The following AP4B1 variants were observed in gnomAD, a reference collection of about 807,000 sequenced individuals.
The protein encoded by AP4B1 is AP-4 complex subunit beta-1.
A neutral mutation model predicts 76.5 loss-of-function variants in AP4B1; 49 were observed. The ratio of observed to expected loss-of-function variants is 0.64; its 90% CI spans 0.51 to 0.81. AP4B1 has a LOEUF of 0.81. Ranked by LOEUF, AP4B1 falls within the 40% of genes least tolerant of loss-of-function variation. The pLI is 0.00. For missense variants in AP4B1, 911 were observed against 904.9 expected (o/e 1.01, Z -0.09); for synonymous variants, 330 against 333.3 (o/e 0.99, Z 0.11).
At position 113,901,814 on chromosome 1, in the gene AP4B1, CTGACA is replaced by C. The variant is rs1553259463; in HGVS notation, c.405_409del (p.Tyr135Ter). On this transcript the variant is annotated stop_gained and frameshift_variant, in exon 3 of 10. Transcript: ENST00000369569. LOFTEE classifies it high-confidence loss of function. ...GGCACATCCAAGGACTGCCACTCTC[CTGACA>C]TATGAAGCCTTATCCCGCAGACCAT... The C allele has an allele frequency of 1.9e-6, 3 of 1,614,194 alleles. No homozygotes were observed. In the South Asian group the frequency reaches 3.3e-5, roughly 18 times the overall value.
At position 113,900,161 on chromosome 1, in the gene AP4B1, GA is replaced by G. The variant is rs1558089312; in HGVS notation, c.856del (p.Ser286LeufsTer55). On this transcript the variant is annotated frameshift_variant, in exon 5 of 10. Transcript: ENST00000369569. LOFTEE classifies it high-confidence loss of function. ...AAAACAGAGCTCACGGCTCTCTGAA[GA>G]ACAGGCAGCTAGCAAAGGTCCCTTG... Reference protein sequence around the residue: ...RVKGPLLAACSSESRELCFVA... With the variant: ...RVKGPLLAACXSESRELCFVA... The G allele has an allele frequency of 1.9e-6, 3 of 1,614,212 alleles. No individual in the cohort carries two copies. The highest frequency in any genetic ancestry group is 2.5e-6 in the Non-Finnish European group (3 of 1,180,044).
chr1:113,898,690 A>G, intron 6 of AP4B1, 28 bp downstream of exon 6: 1 of 1,592,260 alleles, frequency 6.3e-7, no homozygotes, highest in Non-Finnish European at 8.6e-7. Context: ...GACAAAAAAA[A>G]CAAAAATCCT....
rs1558075290 is a variant in AP4B1, at chr1:113,894,672, T to C, written c.*393A>G. 4.5e-6 allele frequency: 1 copy of C among 224,126 alleles called. No homozygotes were observed. Among genetic ancestry groups the C allele is most frequent in the Non-Finnish European group, 8.9e-6 (1 of 112,080 alleles). The allele number at this position is 224,126 out of a possible 1,614,324, so 13.9% of individuals were successfully genotyped here. A position where few individuals can be genotyped will look rare whatever the true frequency, so the allele number is the denominator to read the frequency against. On this transcript the variant is annotated 3_prime_UTR_variant, in exon 10 of 10. Transcript: ENST00000369569. ...TCTGGCCTAAAAGCATGATTGGAAATATGAGAACAGTTAGGAATTTACTAT... is the reference window on the plus strand; with the variant it reads ...TCTGGCCTAAAAGCATGATTGGAAACATGAGAACAGTTAGGAATTTACTAT...
rs1667676376 is a variant in AP4B1 at position 113,897,751 on chromosome 1, G to A, written c.1302+89C>T. On this transcript the variant is annotated intron_variant, in intron 7 of 9. Transcript: ENST00000369569. ...TCGAAGAGTGCCCACTTCAAACACA[G>A]GGTAGAGAGAATAATTAGATTCCAT... is the stretch of plus-strand genomic sequence containing the variant. The A allele has an allele frequency of 5.0e-6, 7 of 1,402,050 alleles. No homozygotes were observed. In the South Asian group the frequency reaches 8.4e-5, roughly 17 times the overall value. The allele number at this position is 1,402,050 out of a possible 1,614,324, so 86.9% of individuals were successfully genotyped here.
intron 1 of AP4B1, among the ~76,000 whole-genome samples, chr1:113,903,503 G>A (rs1288330345): frequency 9.9e-5 from 15 of 152,238 alleles, no homozygotes; most frequent in Non-Finnish European, 2.1e-4. Flanking sequence ...TGAGCCAGAT[G>A]AGAATACCGT....
At position 113,899,376 on chromosome 1, in the gene AP4B1, G is replaced by A. The variant is rs574910795; in HGVS notation, c.1114+528C>T. The A allele has an allele frequency of 1.2e-5, 12 of 1,008,814 alleles. No individual in the cohort carries two copies. The South Asian group carries it at 2.4e-4, about 20-fold the overall frequency. 62.5% of individuals were successfully genotyped at this position (1,008,814 alleles called of 1,614,324 possible). On this transcript the variant is annotated intron_variant, in intron 5 of 9. Coordinates refer to ENST00000369569, the MANE Select transcript of AP4B1 (RefSeq NM_001253852.3). ...GTCTGTAAGATTTAGGAATTATTCTGTGTTGGTCTACATTCAGCACAATAC... is the reference window on the plus strand; with the variant it reads ...GTCTGTAAGATTTAGGAATTATTCTATGTTGGTCTACATTCAGCACAATAC...
Position 113,895,957 on chromosome 1 carries a change from C to G in AP4B1, c.1592G>C (p.Arg531Pro). Reference sequence around the variant, plus strand: ...GTCAGATTTAGGGCTACACAGAATCCGCTTAACTTCATCAATGCCAACTAA... The same window carrying G: ...GTCAGATTTAGGGCTACACAGAATCGGCTTAACTTCATCAATGCCAACTAA... ...LLLVGIDEVK[R>P]ILCSPKSDPT... Residue 531 changes from arginine (R) to proline (P), a missense_variant, in exon 9 of 10, where the codon CGG (arginine) becomes CCG (proline). Physicochemically the swap from Arg to Pro is moderately radical, Grantham distance 103. Transcript: ENST00000369569. The G allele has an allele frequency of 1.9e-6, 3 of 1,614,152 alleles. No individual in the cohort carries two copies. The highest frequency in any genetic ancestry group is 2.5e-6 in the Non-Finnish European group (3 of 1,180,042).
At chr1:113,904,894 C>A, upstream of AP4B1, 2 of 631,546 alleles carry the variant, frequency 3.2e-6, no homozygotes, top group South Asian at 3.2e-5. Context: ...CACACTTCCA[C>A]GCCCTCCGCG....
Position 113,900,198 on chromosome 1 carries a change from G to A in AP4B1, c.820C>T (p.Leu274Phe), listed in dbSNP as rs563341771. The A allele has an allele frequency of 1.1e-5, 17 of 1,613,812 alleles. No individual in the cohort carries two copies. Among genetic ancestry groups the A allele is most frequent in the Middle Eastern group, 1.6e-4 (1 of 6,062 alleles). ...AGCAAAGGTCCCTTGACCCGCACAA[G>A]GACATCAGTTTGTACGTGGGGAAAC... ...KMFPHVQTDVLVRVKGPLLAA... is the reference protein window; with the variant it reads ...KMFPHVQTDVFVRVKGPLLAA... The change falls in exon 5 of 10, where the codon CTT (leucine) becomes TTT (phenylalanine). Residue 274 changes from leucine to phenylalanine, a missense_variant. By Grantham distance (22) the Leu-to-Phe change is conservative. Transcript: ENST00000369569.
In AP4B1 at chr1:113,895,739, G is replaced by C. The variant is rs753851196; in HGVS notation, c.1792+18C>G. ...AAAGATTTATCATGACAAGATTTAA[G>C]GTAAGGACTGTTTTTACCTGATGCG... On this transcript the variant is annotated intron_variant, in intron 9 of 9. Coordinates refer to ENST00000369569, the MANE Select transcript of AP4B1 (RefSeq NM_001253852.3). The C allele has an allele frequency of 6.2e-7, 1 of 1,613,942 alleles. No individual in the cohort carries two copies. The highest frequency in any genetic ancestry group is 1.1e-5 in the South Asian group (1 of 91,054).
intron 7 of AP4B1, 51 bp downstream of exon 7, chr1:113,897,789 G>C: frequency 1.3e-6 from 2 of 1,584,026 alleles, no homozygotes; most frequent in South Asian, 2.2e-5. Context: ...CAAAGGGCAG[G>C]GTTTCAAGCA....
chr1:113,895,442 A>G lies in AP4B1; in HGVS notation c.1843T>C (p.Ser615Pro), dbSNP rs148748734. 13 of 1,614,232 alleles carry G rather than the reference A, an allele frequency of 8.1e-6. 1 individual carries two copies. In the South Asian group the frequency reaches 1.4e-4, roughly 18 times the overall value. ...NKERVQELPDSGALMLVPNRQ... is the reference protein window; with the variant it reads ...NKERVQELPDPGALMLVPNRQ... ...TTGGGGACTAGCATGAGGGCTCCAG[A>G]ATCAGGGAGTTCTTGTACCCTCTCC... The change falls in exon 10 of 10, where the codon TCT (serine) becomes CCT (proline). Residue 615 changes from serine to proline, a missense_variant. Coordinates refer to ENST00000369569, the MANE Select transcript of AP4B1 (RefSeq NM_001253852.3).
At chr1:113,902,172 T>G in intron 2 of AP4B1, 1 of 449,164 alleles carries the variant, frequency 2.2e-6, no homozygotes, top group Non-Finnish European at 4.1e-6. Flanking sequence ...TCCTAGTAGC[T>G]GAGACTACAG....
In AP4B1 at chr1:113,896,422, C is replaced by G. The variant is rs1385361576; in HGVS notation, c.1346G>C (p.Arg449Thr). The G allele has an allele frequency of 6.2e-7, 1 of 1,614,098 alleles. No homozygotes were observed. The highest frequency in any genetic ancestry group is 2.2e-5 in the East Asian group (1 of 44,894). Reference sequence around the variant, plus strand: ...TAACACATAAGGAGCATTAGGAATTCTTTCCCCATGGACACCAAGTAGCCA... The same window carrying G: ...TAACACATAAGGAGCATTAGGAATTGTTTCCCCATGGACACCAAGTAGCCA... ...LIWLLGVHGERIPNAPYVLED... is the reference protein window; with the variant it reads ...LIWLLGVHGETIPNAPYVLED... Residue 449 changes from arginine (R) to threonine (T), a missense_variant, in exon 8 of 10, where the codon AGA becomes ACA. Transcript: ENST00000369569.
At chr1:113,897,622 G>A in intron 7 of AP4B1, 2 of 603,488 alleles carry the variant, frequency 3.3e-6, no homozygotes, top group Non-Finnish European at 5.8e-6. Flanking sequence ...CTGTTCAAGA[G>A]AACAATGGTA....
chr1:113,898,626 A>G (rs146963403), intron 6 of AP4B1, 92 bp downstream of exon 6: 22 of 945,368 alleles, frequency 2.3e-5, no homozygotes, highest in Non-Finnish European at 3.4e-5. Context: ...AAATCTCTAT[A>G]TTACTCATTC....
At chr1:113,904,989 T>C (rs189306022), upstream of AP4B1, 3,548 of 458,258 alleles carry the variant, frequency 7.7e-3, 47 homozygotes, top group Non-Finnish European at 7.6e-3. Flanking sequence ...CTCCCGCTAC[T>C]TCTAGGTCCT....
At chr1:113,897,604 A>T (rs1202596528) in intron 7 of AP4B1, 2 of 560,796 alleles carry the variant, frequency 3.6e-6, no homozygotes, top group African/African-American at 3.8e-5. Flanking sequence ...AAACAAAACA[A>T]AACAGAACTG....
At chr1:113,899,204 C>T (rs1667900505) in intron 5 of AP4B1, 1 of 1,035,852 alleles carries the variant, frequency 9.7e-7, no homozygotes, top group South Asian at 3.4e-5. Context: ...TCCCTCTTCT[C>T]TGCCCCTAAA....
Sources: gnomAD v4.1 joint callset for allele counts (sites outside exome capture counted in the v4.1 genomes callset) on GRCh38, gnomAD v4.1.1 for gene constraint, MANE v1.5 for transcripts, NCBI Gene and HGNC (gene_info 2026-07-23, HGNC 2026-07-21) for gene names.